SMCHD1: variants seen among roughly 807,000 people sequenced by gnomAD.
SMCHD1 encodes the protein structural maintenance of chromosomes flexible hinge domain containing 1.
In SMCHD1, 78 loss-of-function variants were observed where a neutral mutation model predicts 254.7. The observed-to-expected ratio is 0.31, with a 90% CI of 0.26 to 0.37. The LOEUF (loss-of-function observed/expected upper bound fraction) is 0.37. Among genes scored for constraint, SMCHD1 ranks in the 10% least tolerant of loss-of-function variants. The probability of loss-of-function intolerance (pLI) is 1.00; values close to 1 mark genes in which losing one functional copy is unlikely to be tolerated. For missense variants in SMCHD1, 1,840 were observed against 2,408.1 expected (o/e 0.76, Z 4.94); for synonymous variants, 766 against 794.9 (o/e 0.96, Z 0.61).
At chr18:2,743,267 A>G (rs2075385220) in intron 28 of SMCHD1, among the ~76,000 whole-genome samples, 1 of 152,234 alleles carries the variant, frequency 6.6e-6, no homozygotes, top group South Asian at 2.1e-4. Context: ...TCATCTTGTC[A>G]TGGAGAGAAC....
chr18:2,703,400 C>A (rs368123916), intron 12 of SMCHD1, among the ~76,000 whole-genome samples: 9 of 152,190 alleles, frequency 5.9e-5, no homozygotes, highest in African/African-American at 2.2e-4. Flanking sequence ...AAGGGTTCAT[C>A]AGTTTTTAGT....
At chr18:2,752,032 A>G (rs2075583414) in intron 33 of SMCHD1, among the ~76,000 whole-genome samples, 1 of 152,184 alleles carries the variant, frequency 6.6e-6, no homozygotes. Flanking sequence ...GTAGTCACAC[A>G]TAGCCATTGG....
intron 17 of SMCHD1, among the ~76,000 whole-genome samples, chr18:2,714,468 AT>A (rs1176134006): frequency 1.3e-5 from 2 of 152,086 alleles, no homozygotes; most frequent in Non-Finnish European, 2.9e-5. Flanking sequence ...ATTGATTTAC[AT>A]TCAAGGTTAG....
At chr18:2,666,118 C>G in intron 1 of SMCHD1, 39 bp from the exon 2 acceptor site, 1 of 911,174 alleles carries the variant, frequency 1.1e-6, no homozygotes, top group Non-Finnish European at 1.7e-6. Context: ...CATTTATTTC[C>G]TTTGTGTAAT....
At chr18:2,684,732 T>A (rs867952038) in intron 5 of SMCHD1, among the ~76,000 whole-genome samples, 2 of 151,014 alleles carry the variant, frequency 1.3e-5, no homozygotes, top group Admixed American at 6.6e-5. Context: ...TGTGTGTGTG[T>A]GATTCCATTT....
At chr18:2,701,859 A>G (rs965300320) in intron 12 of SMCHD1, among the ~76,000 whole-genome samples, 4 of 152,136 alleles carry the variant, frequency 2.6e-5, no homozygotes, top group African/African-American at 7.2e-5. Context: ...TTGCTGGGCA[A>G]TAAATACAGT....
intron 46 of SMCHD1, 61 bp from the exon 47 acceptor site, chr18:2,796,346 A>T (rs1269597511): frequency 1.6e-5 from 17 of 1,086,948 alleles, no homozygotes; most frequent in Non-Finnish European, 2.0e-5. Flanking sequence ...TCATGTTTGC[A>T]TTTCTCTAAT....
chr18:2,690,647 T>C (rs1260424586), intron 7 of SMCHD1, among the ~76,000 whole-genome samples: 1 of 118,174 alleles, frequency 8.5e-6, no homozygotes, highest in South Asian at 3.2e-4. Flanking sequence ...AATTTTTTTC[T>C]TTTTTTTTTT....
chr18:2,770,600 G>C (rs2143739368), intron 39 of SMCHD1, among the ~76,000 whole-genome samples: 1 of 152,126 alleles, frequency 6.6e-6, no homozygotes, highest in African/African-American at 2.4e-5. Flanking sequence ...GTTTGCTGCA[G>C]TTTTGTTTTG....
intron 36 of SMCHD1, 46 bp downstream of exon 36, chr18:2,762,282 T>A: frequency 1.3e-6 from 2 of 1,587,796 alleles, no homozygotes; most frequent in Non-Finnish European, 1.7e-6. Context: ...ACAAGAAAAA[T>A]TATCTTTGAT....
chr18:2,752,506 A>T lies in SMCHD1; in HGVS notation c.4300A>T (p.Asn1434Tyr). ...PPANAETFSC[N>Y]KIKDNDKEDG... ...TTTCTAGGCAGAAACATTTAGTTGT[A>T]ATAAAATAAAAGATAATGACAAAGA... Residue 1434 changes from asparagine to tyrosine, a missense_variant, in exon 34 of 48, where the codon AAT (asparagine) becomes TAT (tyrosine). By Grantham distance (143) the Asn-to-Tyr change is moderately radical. This residue lies in a region of SMCHD1 where 881 missense variants were observed against 1,009.5 expected (regional missense o/e 0.87). Coordinates refer to ENST00000320876, the MANE Select transcript of SMCHD1 (RefSeq NM_015295.3). The T allele has an allele frequency of 6.2e-7, 1 of 1,601,896 alleles. No homozygotes were observed. Among genetic ancestry groups the T allele is most frequent in the Non-Finnish European group, 8.5e-7 (1 of 1,169,696 alleles).
At chr18:2,730,133 C>CT (rs954128513) in intron 24 of SMCHD1, among the ~76,000 whole-genome samples, 2 of 152,060 alleles carry the variant, frequency 1.3e-5, no homozygotes, top group African/African-American at 2.4e-5. Flanking sequence ...ACACACATAG[C>CT]TTTTTATTTG....
chr18:2,791,451 C>T lies in SMCHD1; in HGVS notation c.5720-4498C>T, dbSNP rs1299343414. ...ATTAGTTGGGCCTGGTGGCTCGCTC[C>T]TTTAGTCCCACTTCTTTGGGAGGCT... On this transcript the variant is annotated intron_variant, in intron 45 of 47. Coordinates refer to ENST00000320876, the MANE Select transcript of SMCHD1 (RefSeq NM_015295.3). Among the ~76,000 whole-genome samples the T allele has an allele frequency of 2.6e-5, 4 of 152,146 alleles. No homozygotes were observed. The East Asian group carries it at 7.7e-4, about 29-fold the overall frequency.
At chr18:2,755,463 G>C (rs2075655122) in intron 34 of SMCHD1, among the ~76,000 whole-genome samples, 1 of 151,484 alleles carries the variant, frequency 6.6e-6, no homozygotes. Flanking sequence ...TCCTGGCTCT[G>C]ATTTTATTTG....
intron 15 of SMCHD1, among the ~76,000 whole-genome samples, chr18:2,706,943 T>C (rs2074528618): frequency 6.6e-6 from 1 of 152,102 alleles, no homozygotes; most frequent in Non-Finnish European, 1.5e-5. Flanking sequence ...AAGCAAGCCA[T>C]GTCTTACATG....
chr18:2,746,666 G>A (rs300297), intron 29 of SMCHD1, among the ~76,000 whole-genome samples: 151,739 of 152,294 alleles, frequency 1, 75,595 homozygotes, highest in Middle Eastern at 1. Flanking sequence ...CTGGTAACCA[G>A]CTACCTCAGT....
intron 9 of SMCHD1, 50 bp downstream of exon 9, chr18:2,697,172 C>G (rs1228001633): frequency 1.0e-6 from 1 of 955,914 alleles, no homozygotes; most frequent in Admixed American, 3.1e-5. Flanking sequence ...GATATTTGTT[C>G]CAGTTCCAAA....
intron 10 of SMCHD1, among the ~76,000 whole-genome samples, chr18:2,698,683 C>A (rs1199036340): frequency 6.6e-6 from 1 of 151,496 alleles, no homozygotes; most frequent in African/African-American, 2.4e-5. Context: ...CTTTTTTTCC[C>A]CCCCCAGTAG....
At chr18:2,725,164 CTG>C (rs1453597867) in intron 21 of SMCHD1, among the ~76,000 whole-genome samples, 169 bp downstream of exon 21, 1 of 152,064 alleles carries the variant, frequency 6.6e-6, no homozygotes, top group Non-Finnish European at 1.5e-5. Flanking sequence ...TCAGTTACAT[CTG>C]TAAGAAAAGT....
Sources: allele counts gnomAD v4.1 joint callset (sites outside exome capture counted in the v4.1 genomes callset), GRCh38; gene constraint gnomAD v4.1.1; regional missense constraint gnomAD v4.1.1; transcripts MANE v1.5; gene names NCBI Gene and HGNC (gene_info 2026-07-23, HGNC 2026-07-21).